The following KCTD8 variants were observed in gnomAD, a reference collection of about 807,000 sequenced individuals.
The protein encoded by KCTD8 is potassium channel tetramerization domain containing 8.
A neutral mutation model predicts 31.5 loss-of-function variants in KCTD8; 27 were observed. The observed-to-expected ratio is 0.86, with a 90% CI of 0.63 to 1.18. The LOEUF (loss-of-function observed/expected upper bound fraction) is 1.18, where lower values mean the gene tolerates loss of function less well. Ranked by LOEUF, KCTD8 falls within the 50% of genes most tolerant of loss-of-function variation. The pLI is 0.00. For missense variants in KCTD8, 658 were observed against 647.7 expected, an observed-to-expected ratio of 1.02 and a Z score of -0.17; for synonymous variants, 290 against 280.0, an observed-to-expected ratio of 1.04 and a Z score of -0.36.
chr4:44,192,998 C>T (rs1713810120), intron 1 of KCTD8, among the ~76,000 whole-genome samples: 1 of 152,104 alleles, frequency 6.6e-6, no homozygotes, highest in Non-Finnish European at 1.5e-5. Flanking sequence ...TCATGAGACC[C>T]TGTGATCGTG....
At chr4:44,289,303 T>C (rs1717199568) in intron 1 of KCTD8, among the ~76,000 whole-genome samples, 1 of 151,686 alleles carries the variant, frequency 6.6e-6, no homozygotes, top group East Asian at 1.9e-4. Flanking sequence ...TCACAATATA[T>C]TCAAAGAAAC....
intron 1 of KCTD8, among the ~76,000 whole-genome samples, chr4:44,261,964 A>G (rs1716195155): frequency 1.3e-5 from 2 of 152,068 alleles, no homozygotes; most frequent in Admixed American, 6.6e-5. Context: ...CTCAGAATTG[A>G]GTCCCAAGCC....
chr4:44,333,533 G>A (rs1401535131), intron 1 of KCTD8, among the ~76,000 whole-genome samples: 2 of 152,068 alleles, frequency 1.3e-5, no homozygotes, highest in Admixed American at 6.6e-5. Context: ...AGTCTCTCAT[G>A]ATTTCTAGCA....
At chr4:44,269,840 G>T (rs1716524723) in intron 1 of KCTD8, among the ~76,000 whole-genome samples, 1 of 152,086 alleles carries the variant, frequency 6.6e-6, no homozygotes, top group Non-Finnish European at 1.5e-5. Context: ...ACCACAATGA[G>T]ATACCATCTC....
intron 1 of KCTD8, among the ~76,000 whole-genome samples, chr4:44,323,703 C>T (rs1718365666): frequency 6.6e-6 from 1 of 151,606 alleles, no homozygotes; most frequent in African/African-American, 2.4e-5. Flanking sequence ...TTGTACCAAC[C>T]TAATAGTTTT....
At chr4:44,402,098 G>C (rs995345591) in intron 1 of KCTD8, among the ~76,000 whole-genome samples, 1 of 152,162 alleles carries the variant, frequency 6.6e-6, no homozygotes, top group African/African-American at 2.4e-5. Context: ...CAAAGGTAAA[G>C]TGGACGTGGC....
At chr4:44,382,232 C>G (rs922376729) in intron 1 of KCTD8, among the ~76,000 whole-genome samples, 1 of 151,796 alleles carries the variant, frequency 6.6e-6, no homozygotes, top group African/African-American at 2.4e-5. Flanking sequence ...ATGGCATCAA[C>G]AAGATGAAGG....
chr4:44,361,629 C>G (rs1463852598), intron 1 of KCTD8, among the ~76,000 whole-genome samples: 1 of 151,984 alleles, frequency 6.6e-6, no homozygotes, highest in East Asian at 1.9e-4. Flanking sequence ...TTGAAATGGT[C>G]TGGTAAGTCC....
At chr4:44,369,376 T>A (rs1719723869) in intron 1 of KCTD8, among the ~76,000 whole-genome samples, 1 of 152,180 alleles carries the variant, frequency 6.6e-6, no homozygotes, top group South Asian at 2.1e-4. Flanking sequence ...TACGAGTATG[T>A]TCAAAAGAAA....
chr4:44,414,172 C>T (rs1721020310), intron 1 of KCTD8, among the ~76,000 whole-genome samples: 1 of 151,258 alleles, frequency 6.6e-6, no homozygotes, highest in Admixed American at 6.6e-5. Context: ...CAATAAGAAA[C>T]TAGTATACTG....
intron 1 of KCTD8, among the ~76,000 whole-genome samples, chr4:44,334,625 C>T (rs73815014): frequency 0.029 from 4,455 of 151,870 alleles, 234 homozygotes; most frequent in African/African-American, 0.1. Context: ...CCATTTAAAA[C>T]AGAAATTTTG....
intron 1 of KCTD8, among the ~76,000 whole-genome samples, chr4:44,282,629 T>C (rs1716932459): frequency 6.6e-6 from 1 of 152,074 alleles, no homozygotes; most frequent in Non-Finnish European, 1.5e-5. Context: ...GCCCAAGTTG[T>C]GAATGCAAAG....
In KCTD8 at chr4:44,211,478, G is replaced by A. The variant is rs775155201; in HGVS notation, c.962-36228C>T. 2.0e-5 allele frequency among the ~76,000 whole-genome samples: 3 copies of A among 151,980 alleles called. No homozygotes were observed. In the South Asian group the frequency reaches 6.2e-4, roughly 32 times the overall value. Reference sequence around the variant, plus strand: ...CTCAATTCAACATTATATTTCTAAGGGTCACCCATATTGTTGTGAGTTGCT... The same window carrying A: ...CTCAATTCAACATTATATTTCTAAGAGTCACCCATATTGTTGTGAGTTGCT... On this transcript the variant is annotated intron_variant, in intron 1 of 1. Coordinates refer to ENST00000360029, the MANE Select transcript of KCTD8 (RefSeq NM_198353.3).
At chr4:44,364,202 C>G (rs1719571130) in intron 1 of KCTD8, among the ~76,000 whole-genome samples, 1 of 151,856 alleles carries the variant, frequency 6.6e-6, no homozygotes, top group African/African-American at 2.4e-5. Context: ...GGACTTGTAT[C>G]CAAAATACAA....
intron 1 of KCTD8, among the ~76,000 whole-genome samples, chr4:44,259,380 T>C (rs181563042): frequency 6.6e-6 from 1 of 152,076 alleles, no homozygotes; most frequent in Non-Finnish European, 1.5e-5. Flanking sequence ...CACTAATACT[T>C]TGGATCTGGC....
intron 1 of KCTD8, among the ~76,000 whole-genome samples, chr4:44,242,593 A>G (rs570888255): frequency 1.3e-5 from 2 of 151,768 alleles, no homozygotes; most frequent in Non-Finnish European, 2.9e-5. Flanking sequence ...CAAACAAACA[A>G]ACAAACAAAC....
chr4:44,302,195 T>C (rs1003786349), intron 1 of KCTD8, among the ~76,000 whole-genome samples: 2 of 152,074 alleles, frequency 1.3e-5, no homozygotes, highest in African/African-American at 4.8e-5. Flanking sequence ...TGACTTGGGA[T>C]TGCGGGCTCT....
chr4:44,287,461 A>G (rs1056191188), intron 1 of KCTD8, among the ~76,000 whole-genome samples: 2 of 152,216 alleles, frequency 1.3e-5, no homozygotes, highest in African/African-American at 2.4e-5. Context: ...AATGTTAAAC[A>G]TTTCACAAAT....
intron 1 of KCTD8, among the ~76,000 whole-genome samples, chr4:44,263,069 G>T (rs1274661114): frequency 6.6e-6 from 1 of 152,066 alleles, no homozygotes. Flanking sequence ...CCCATGACAA[G>T]TCTAAATTTC....
Sources: allele counts gnomAD v4.1 joint callset (sites outside exome capture counted in the v4.1 genomes callset), GRCh38; gene constraint gnomAD v4.1.1; transcripts MANE v1.5; gene names NCBI Gene and HGNC (gene_info 2026-07-23, HGNC 2026-07-21).